The following BCAS3 variants were observed in gnomAD, a reference collection of about 807,000 sequenced individuals.
The protein encoded by BCAS3 is BCAS4/BCAS3 fusion.
A neutral mutation model predicts 116.1 loss-of-function variants in BCAS3; 53 were observed. The ratio of observed to expected loss-of-function variants is 0.46; its 90% CI spans 0.37 to 0.57. The LOEUF is 0.57. Among genes scored for constraint, BCAS3 ranks in the 20% least tolerant of loss-of-function variants. The pLI is 0.00. For missense variants in BCAS3, 917 were observed against 1,165.4 expected, an observed-to-expected ratio of 0.79 and a Z score of 3.10; for synonymous variants, 391 against 408.2, an observed-to-expected ratio of 0.96 and a Z score of 0.51.
chr17:60,738,448 A>C (rs528845383), intron 5 of BCAS3, among the ~76,000 whole-genome samples: 1 of 152,290 alleles, frequency 6.6e-6, no homozygotes, highest in Admixed American at 6.5e-5. Flanking sequence ...ATCATTATGT[A>C]ATATCCCCCT....
chr17:61,343,291 CACCGTTGTGT>C lies in BCAS3; in HGVS notation c.2426-25034_2426-25025del, dbSNP rs563983853. ...GAGCAGAACAAGCCCTTCAATTGTG[CACCGTTGTGT>C]ATGGTGCCAGAGTAGCTTCTGAATG... is the stretch of plus-strand genomic sequence containing the variant. On this transcript the variant is annotated intron_variant, in intron 22 of 23. Coordinates refer to ENST00000407086, the MANE Select transcript of BCAS3 (RefSeq NM_017679.5). The surrounding 1 kb of genome is among the most constrained non-coding windows in gnomAD (Gnocchi z 5.5). Among the ~76,000 whole-genome samples, 3 of 152,336 alleles carry C rather than the reference CACCGTTGTGT, an allele frequency of 2.0e-5. No individual in the cohort carries two copies. Among genetic ancestry groups the C allele is most frequent in the African/African-American group, 7.2e-5 (3 of 41,582 alleles).
intron 22 of BCAS3, among the ~76,000 whole-genome samples, chr17:61,143,037 G>T (rs1466568885): frequency 6.6e-6 from 1 of 152,046 alleles, no homozygotes; most frequent in Non-Finnish European, 1.5e-5. Context: ...TTTATTAAAA[G>T]AACTCAATTT....
chr17:61,358,399 G>A (rs1458267197), intron 22 of BCAS3, among the ~76,000 whole-genome samples: 2 of 152,106 alleles, frequency 1.3e-5, no homozygotes, highest in East Asian at 3.9e-4. Flanking sequence ...ATGGCAATGA[G>A]CGTATTTATG....
At chr17:61,116,914 A>T (rs1390835742) in intron 22 of BCAS3, among the ~76,000 whole-genome samples, 5 of 151,554 alleles carry the variant, frequency 3.3e-5, no homozygotes, top group Non-Finnish European at 7.4e-5. Flanking sequence ...TGCTTTCAAG[A>T]TTTTTTCTTT....
In BCAS3 at chr17:61,220,552, C is replaced by T. The variant is rs2082052581; in HGVS notation, c.2425+135988C>T. Among the ~76,000 whole-genome samples, 1 of 152,148 alleles carries T rather than the reference C, an allele frequency of 6.6e-6. No homozygotes were observed. The highest frequency in any genetic ancestry group is 1.5e-5 in the Non-Finnish European group (1 of 68,032). ...TTAAACAGAATGGATATCCACTCCA[C>T]CTGGAATTCTCTTTGCTAAAACAAT... On this transcript the variant is annotated intron_variant, in intron 22 of 23. Coordinates refer to ENST00000407086, the MANE Select transcript of BCAS3 (RefSeq NM_017679.5). This position sits in a 1 kb window ranked among gnomAD's most constrained non-coding sequence, Gnocchi z 4.5.
rs2051307659 is a variant in BCAS3, at chr17:61,282,312, AAGGCTT to A, written c.2426-86014_2426-86009del. Among the ~76,000 whole-genome samples the A allele has an allele frequency of 4.6e-5, 7 of 152,154 alleles. No individual in the cohort carries two copies. In the South Asian group the frequency reaches 1.5e-3, roughly 32 times the overall value. On this transcript the variant is annotated intron_variant, in intron 22 of 23. Coordinates refer to ENST00000407086, the MANE Select transcript of BCAS3 (RefSeq NM_017679.5). The surrounding 1 kb of genome is among the most constrained non-coding windows in gnomAD (Gnocchi z 5.9). Reference sequence around the variant, plus strand: ...TCTTTGGGAATACCTTACCGATGAGAAGGCTTTCCTGAGCCTTGGTTGGGAGCTGAA... The same window carrying A: ...TCTTTGGGAATACCTTACCGATGAGATCCTGAGCCTTGGTTGGGAGCTGAA...
chr17:61,173,908 C>T (rs1444952502), intron 22 of BCAS3, among the ~76,000 whole-genome samples: 1 of 152,056 alleles, frequency 6.6e-6, no homozygotes, highest in African/African-American at 2.4e-5. Context: ...AACGATAATA[C>T]AGATCAAAGT....
intron 22 of BCAS3, among the ~76,000 whole-genome samples, chr17:61,321,120 CCTT>C (rs1255731235): frequency 1.3e-5 from 2 of 151,992 alleles, no homozygotes; most frequent in East Asian, 1.9e-4. Flanking sequence ...GGTCTTTTGG[CCTT>C]CTTTTTTTTT....
intron 5 of BCAS3, among the ~76,000 whole-genome samples, chr17:60,746,236 A>G (rs972907594): frequency 6.6e-6 from 1 of 152,180 alleles, no homozygotes. Flanking sequence ...TACCACGTAC[A>G]GTAATTTAAT....
Position 60,962,566 on chromosome 17 carries a change from G to A in BCAS3, c.1221+15214G>A, listed in dbSNP as rs1370496985. ...TTTGTTTCTAATGGGGTTGGATTTT[G>A]CCCATTTTAAAATTGGATTATTTGG... On this transcript the variant is annotated intron_variant, in intron 14 of 23. Coordinates refer to ENST00000407086, the MANE Select transcript of BCAS3 (RefSeq NM_017679.5). The surrounding 1 kb of genome is among the most constrained non-coding windows in gnomAD (Gnocchi z 4.4). Among the ~76,000 whole-genome samples, 1 of 151,896 alleles carries A rather than the reference G, an allele frequency of 6.6e-6. No homozygotes were observed. Among genetic ancestry groups the A allele is most frequent in the Non-Finnish European group, 1.5e-5 (1 of 67,950 alleles).
chr17:60,869,605 A>C (rs183348847), intron 8 of BCAS3, among the ~76,000 whole-genome samples: 1 of 152,334 alleles, frequency 6.6e-6, no homozygotes, highest in East Asian at 1.9e-4. Context: ...TTTGATACTA[A>C]TAAGAGAAAT....
intron 22 of BCAS3, among the ~76,000 whole-genome samples, chr17:61,262,673 G>C (rs984877461): frequency 4.0e-5 from 6 of 150,872 alleles, no homozygotes; most frequent in African/African-American, 1.5e-4. Context: ...GAGCCACCTT[G>C]CCCGGCCAGG....
intron 10 of BCAS3, among the ~76,000 whole-genome samples, chr17:60,894,020 C>T (rs534536422): frequency 1.5e-4 from 23 of 152,032 alleles, no homozygotes; most frequent in South Asian, 1.3e-3. Flanking sequence ...TGCTTAGGAC[C>T]GCTTTGGCCA....
chr17:61,164,185 T>G (rs762524420), intron 22 of BCAS3, among the ~76,000 whole-genome samples: 9 of 151,818 alleles, frequency 5.9e-5, no homozygotes, highest in Non-Finnish European at 1.3e-4. Flanking sequence ...GAATCATGTG[T>G]GTAGTAATTC....
intron 22 of BCAS3, among the ~76,000 whole-genome samples, chr17:61,342,024 A>G (rs980884111): frequency 3.2e-4 from 49 of 152,270 alleles, no homozygotes; most frequent in African/African-American, 1.2e-3. Context: ...TTCTTTTGAG[A>G]CAGAGTCTCA....
At position 61,161,386 on chromosome 17, in the gene BCAS3, T is replaced by C. The variant is rs1214840229; in HGVS notation, c.2425+76822T>C. On this transcript the variant is annotated intron_variant, in intron 22 of 23. Coordinates refer to ENST00000407086, the MANE Select transcript of BCAS3 (RefSeq NM_017679.5). The surrounding 1 kb of genome is among the most constrained non-coding windows in gnomAD (Gnocchi z 4.8). The stretch of plus-strand genomic sequence containing the variant: ...AGAAAAGGCCTGGGATGGATTTTGA[T>C]CATGTTACAAGGCCCACTTGTTGCA... 1.3e-5 allele frequency among the ~76,000 whole-genome samples: 2 copies of C among 152,228 alleles called. No homozygotes were observed. Among genetic ancestry groups the C allele is most frequent in the Non-Finnish European group, 2.9e-5 (2 of 68,040 alleles).
intron 15 of BCAS3, among the ~76,000 whole-genome samples, chr17:60,997,544 C>G (rs1315424971): frequency 2.6e-5 from 4 of 152,138 alleles, no homozygotes; most frequent in African/African-American, 9.7e-5. Context: ...AAATAGTCCT[C>G]TAGGAGAATA....
At chr17:61,153,489 T>C (rs1378167303) in intron 22 of BCAS3, among the ~76,000 whole-genome samples, 20 of 152,224 alleles carry the variant, frequency 1.3e-4, no homozygotes, top group Non-Finnish European at 1.5e-5. Flanking sequence ...CCTTAAAAGA[T>C]GCTAGCCACA....
intron 14 of BCAS3, among the ~76,000 whole-genome samples, chr17:60,987,526 T>A (rs1037460464): frequency 1.3e-5 from 2 of 152,110 alleles, no homozygotes; most frequent in Non-Finnish European, 2.9e-5. Flanking sequence ...TTTATCAGTG[T>A]TTTGTAGTTT....
Sources: allele counts gnomAD v4.1 joint callset (sites outside exome capture counted in the v4.1 genomes callset), GRCh38; gene constraint gnomAD v4.1.1; non-coding constraint Gnocchi (gnomAD v3.1); transcripts MANE v1.5; gene names NCBI Gene and HGNC (gene_info 2026-07-23, HGNC 2026-07-21).